The following PANK1 variants were observed in gnomAD, a reference collection of about 807,000 sequenced individuals.
PANK1 encodes pantothenic acid kinase 1.
PANK1 carries 18 observed loss-of-function variants against 40.1 expected under a neutral mutation model. The observed-to-expected ratio is 0.45, with a 90% CI of 0.31 to 0.67. The LOEUF (loss-of-function observed/expected upper bound fraction) is 0.67, where lower values mean the gene tolerates loss of function less well. Among genes scored for constraint, PANK1 ranks in the 30% least tolerant of loss-of-function variants. The pLI, the probability that PANK1 is intolerant of heterozygous loss-of-function variation, is 0.06. For missense variants in PANK1, 457 were observed against 599.6 expected (o/e 0.76, Z 2.48); for synonymous variants, 242 against 237.7 (o/e 1.02, Z -0.17).
intron 1 of PANK1, among the ~76,000 whole-genome samples, chr10:89,624,955 G>A (rs1375743373): frequency 2.6e-5 from 4 of 152,170 alleles, no homozygotes. Context: ...CTGGAGTGTA[G>A]TGGTGTCATC....
chr10:89,622,021 T>C (rs1232215757), intron 1 of PANK1, among the ~76,000 whole-genome samples: 1 of 152,148 alleles, frequency 6.6e-6, no homozygotes, highest in South Asian at 2.1e-4. Flanking sequence ...GCCCATTTAC[T>C]AGTCTTTAAA....
chr10:89,586,995 C>G (rs533071338), intron 6 of PANK1, among the ~76,000 whole-genome samples: 1 of 152,000 alleles, frequency 6.6e-6, no homozygotes, highest in Non-Finnish European at 1.5e-5. Context: ...TGGTGGCGCA[C>G]GTCTGTAATC....
At position 89,599,466 on chromosome 10, in the gene PANK1, A is replaced by C. The variant is rs757959225; in HGVS notation, c.685T>G (p.Cys229Gly). 2 of 1,613,896 alleles carry C rather than the reference A, an allele frequency of 1.2e-6. No homozygotes were observed. The highest frequency in any genetic ancestry group is 1.7e-6 in the Non-Finnish European group (2 of 1,179,740). Residue 229 changes from cysteine to glycine, a missense_variant, in exon 3 of 7, where the codon TGT becomes GGT. This residue lies in a region of PANK1 where 286 missense variants were observed against 415.8 expected (regional missense o/e 0.69). Transcript: ENST00000307534. Reference protein sequence around the residue: ...LQLHKLDELDCLIQGLLYVDS... With the variant: ...LQLHKLDELDGLIQGLLYVDS... Reference sequence around the variant, plus strand: ...ACATAAAGCAGGCCCTGAATCAGACAGTCCAGTTCATCCAGTTTATGCAGC... The same window carrying C: ...ACATAAAGCAGGCCCTGAATCAGACCGTCCAGTTCATCCAGTTTATGCAGC...
intron 2 of PANK1, among the ~76,000 whole-genome samples, chr10:89,607,898 C>T (rs1845018687): frequency 6.6e-6 from 1 of 152,116 alleles, no homozygotes; most frequent in Non-Finnish European, 1.5e-5. Context: ...GGGAGTTCCT[C>T]ATTGGCTTAT....
chr10:89,644,495 G>A (rs1842055324), intron 1 of PANK1, 105 bp downstream of exon 1: 2 of 1,000,498 alleles, frequency 2.0e-6, no homozygotes, highest in Admixed American at 2.8e-5. Context: ...CGCAGACGCG[G>A]GGGCGCACGG....
chr10:89,601,269 T>C (rs1177780004), intron 2 of PANK1, among the ~76,000 whole-genome samples: 1 of 145,542 alleles, frequency 6.9e-6, no homozygotes, highest in African/African-American at 2.6e-5. Context: ...GAGCCACGGA[T>C]TTTGAGACCA....
At chr10:89,600,589 T>C (rs576019629) in intron 2 of PANK1, among the ~76,000 whole-genome samples, 3 of 152,212 alleles carry the variant, frequency 2.0e-5, no homozygotes, top group African/African-American at 7.2e-5. Flanking sequence ...CTTTTATTAA[T>C]GTCTGGGGTG....
At chr10:89,613,366 C>T (rs540102616) in intron 1 of PANK1, among the ~76,000 whole-genome samples, 1 of 152,330 alleles carries the variant, frequency 6.6e-6, no homozygotes, top group East Asian at 1.9e-4. Flanking sequence ...ATTGTCCACA[C>T]TGCCAGAAAC....
intron 3 of PANK1, among the ~76,000 whole-genome samples, chr10:89,595,828 AAAAAAATATATATATAT>A (rs1369814016): frequency 1.5e-5 from 1 of 67,142 alleles, no homozygotes; most frequent in Admixed American, 2.1e-4. Context: ...AAAAAAAAAA[AAAAAAATATATATATAT>A]ATATATATAT....
chr10:89,595,019 T>C (rs1342797484), intron 3 of PANK1, among the ~76,000 whole-genome samples: 6 of 152,240 alleles, frequency 3.9e-5, no homozygotes, highest in Non-Finnish European at 7.3e-5. Flanking sequence ...CTTTGGAAAT[T>C]CAATTTGTGT....
chr10:89,580,164 T>G (rs7076277), downstream of PANK1: 93,215 of 152,050 alleles, frequency 0.61, 29,113 homozygotes, highest in East Asian at 0.93. Flanking sequence ...AAGTTCTCAA[T>G]AATTTTTATA....
chr10:89,643,724 T>C, intron 1 of PANK1: 1 of 1,613,956 alleles, frequency 6.2e-7, no homozygotes, highest in Non-Finnish European at 8.5e-7. Flanking sequence ...ATAAGCTTCA[T>C]TAAAGACACC....
chr10:89,597,104 A>G (rs1198940569), intron 3 of PANK1, among the ~76,000 whole-genome samples: 2 of 152,234 alleles, frequency 1.3e-5, no homozygotes, highest in Non-Finnish European at 2.9e-5. Context: ...AAAATCAGGT[A>G]TAATACAATA....
At chr10:89,641,028 T>TATTG (rs1841954136) in intron 1 of PANK1, among the ~76,000 whole-genome samples, 1 of 152,240 alleles carries the variant, frequency 6.6e-6, no homozygotes, top group Non-Finnish European at 1.5e-5. Context: ...ATGTGTATTG[T>TATTG]ACAATTCATA....
intron 2 of PANK1, among the ~76,000 whole-genome samples, chr10:89,611,351 A>G (rs1845145728): frequency 6.6e-6 from 1 of 152,210 alleles, no homozygotes; most frequent in Non-Finnish European, 1.5e-5. Flanking sequence ...ACGATTATAT[A>G]GTAAAAGTCT....
At chr10:89,582,101 A>G (rs1271680942), downstream of PANK1, 1 of 152,210 alleles carries the variant, frequency 6.6e-6, no homozygotes, top group East Asian at 1.9e-4. Flanking sequence ...ATATGTATGT[A>G]AAACAATTAT....
intron 2 of PANK1, among the ~76,000 whole-genome samples, chr10:89,608,456 A>C (rs1473377817): frequency 6.6e-6 from 1 of 152,242 alleles, no homozygotes; most frequent in Non-Finnish European, 1.5e-5. Context: ...AGTATTCTAC[A>C]CAGGTCTAAT....
chr10:89,643,590 A>G, intron 1 of PANK1: 1 of 823,306 alleles, frequency 1.2e-6, no homozygotes, highest in South Asian at 1.6e-5. Flanking sequence ...TTATTTGCCA[A>G]ACATTAAACT....
At chr10:89,609,042 A>T (rs1245415318) in intron 2 of PANK1, among the ~76,000 whole-genome samples, 2 of 152,110 alleles carry the variant, frequency 1.3e-5, no homozygotes, top group African/African-American at 2.4e-5. Context: ...ATTCATAGTA[A>T]TTATCACCAT....
Sources: allele counts gnomAD v4.1 joint callset (sites outside exome capture counted in the v4.1 genomes callset), GRCh38; gene constraint gnomAD v4.1.1; regional missense constraint gnomAD v4.1.1; transcripts MANE v1.5; gene names NCBI Gene and HGNC (gene_info 2026-07-23, HGNC 2026-07-21).